Variants in PTPN20 observed in about 807,000 individuals in gnomAD.
PTPN20 encodes the protein tyrosine-protein phosphatase non-receptor type 20.
Under a neutral mutation model 35.0 loss-of-function variants are expected in PTPN20, and 9 were observed. The ratio of observed to expected loss-of-function variants is 0.26; its 90% CI spans 0.15 to 0.45. The LOEUF is 0.45. Ranked by LOEUF, PTPN20 falls within the 20% of genes least tolerant of loss-of-function variation. The pLI, the probability that PTPN20 is intolerant of heterozygous loss-of-function variation, is 1.00. For synonymous variants in PTPN20, 32 were observed against 100.2 expected, an observed-to-expected ratio of 0.32 and a Z score of 4.06; for missense variants, 111 against 312.5, an observed-to-expected ratio of 0.36 and a Z score of 4.86.
chr10:46,960,740 T>C, intron 5 of PTPN20, among the ~76,000 whole-genome samples: 1 of 152,124 alleles, frequency 6.6e-6, no homozygotes, highest in Non-Finnish European at 1.5e-5. Context: ...CTGAATATTG[T>C]ATAGTCTAGA....
chr10:46,932,574 G>A, intron 2 of PTPN20, 41 bp downstream of exon 2: 1 of 1,611,268 alleles, frequency 6.2e-7, no homozygotes, highest in Non-Finnish European at 8.5e-7. Flanking sequence ...GGATCAGGAG[G>A]AGCTACAGGA....
intron 3 of PTPN20, among the ~76,000 whole-genome samples, chr10:46,941,777 TC>T (rs782344835): frequency 3.4e-4 from 50 of 146,442 alleles, no homozygotes; most frequent in Admixed American, 7.5e-4. Context: ...CTTTAAAGTT[TC>T]CTTTCATAAA....
chr10:47,000,012 A>G (rs1164452835), intron 10 of PTPN20, 38 bp downstream of exon 10: 2 of 1,611,952 alleles, frequency 1.2e-6, no homozygotes, highest in African/African-American at 2.7e-5. Context: ...AAGAATAATG[A>G]ATATAAAGAT....
chr10:46,957,606 C>G (rs2048787225), intron 5 of PTPN20, among the ~76,000 whole-genome samples: 1 of 151,792 alleles, frequency 6.6e-6, no homozygotes, highest in African/African-American at 2.4e-5. Context: ...TAGCAGTTGC[C>G]TGTAATCCCA....
intron 9 of PTPN20, among the ~76,000 whole-genome samples, chr10:46,988,742 T>C (rs1415756415): frequency 2.6e-5 from 4 of 152,158 alleles, no homozygotes; most frequent in Non-Finnish European, 2.9e-5. Flanking sequence ...TTCATTAGCA[T>C]AGGATTATTT....
chr10:46,970,715 G>T (rs1357271355), intron 7 of PTPN20, among the ~76,000 whole-genome samples: 1 of 140,842 alleles, frequency 7.1e-6, no homozygotes, highest in African/African-American at 2.7e-5. Context: ...CAAAGTGCTT[G>T]TGAGGAAAAG....
At position 46,931,642 on chromosome 10, in the gene PTPN20, C is replaced by T. The variant is rs1311905994; in HGVS notation, c.-123-735C>T. On this transcript the variant is annotated intron_variant, in intron 1 of 10. Transcript: ENST00000374339. ...GCTCAAGCGATCCTCCTGCCTTGGC[C>T]TCCCAAAGTGCTAGGATTGTAGGCA... Among the ~76,000 whole-genome samples the T allele has an allele frequency of 4.9e-5, 7 of 143,542 alleles. No homozygotes were observed. In the East Asian group the frequency reaches 1.4e-3, roughly 28 times the overall value. 94.2% of individuals were successfully genotyped at this position (143,542 alleles called of 152,430 possible).
intron 5 of PTPN20, among the ~76,000 whole-genome samples, chr10:46,954,933 A>G (rs1411151825): frequency 6.6e-6 from 1 of 151,594 alleles, no homozygotes; most frequent in Non-Finnish European, 1.5e-5. Flanking sequence ...GAACAAAGAT[A>G]ACAATACAAC....
intron 4 of PTPN20, among the ~76,000 whole-genome samples, chr10:46,945,371 T>C (rs1304117591): frequency 6.6e-6 from 1 of 152,082 alleles, no homozygotes; most frequent in African/African-American, 2.4e-5. Flanking sequence ...ATTAATTAAA[T>C]GTTTACAGTA....
intron 5 of PTPN20, among the ~76,000 whole-genome samples, chr10:46,947,212 GTATATA>G (rs1163672605): frequency 1.2e-3 from 158 of 129,804 alleles, no homozygotes; most frequent in Non-Finnish European, 1.4e-3. Flanking sequence ...ATGTGTATGT[GTATATA>G]TATATATATA....
In PTPN20 at chr10:46,947,355, C is replaced by T. The variant is rs2045221932; in HGVS notation, c.340+680C>T. 2.0e-5 allele frequency among the ~76,000 whole-genome samples: 3 copies of T among 150,690 alleles called. No individual in the cohort carries two copies. The South Asian group carries it at 6.3e-4, about 32-fold the overall frequency. ...TCCCATCAAATGTTGGAAACATCTT[C>T]TCTAATGACTTTATTTGAAAAATGT... On this transcript the variant is annotated intron_variant, in intron 5 of 10. Coordinates refer to ENST00000374339, the MANE Select transcript of PTPN20 (RefSeq NM_001042357.5).
chr10:46,999,952 GT>G lies in PTPN20; in HGVS notation c.1177del (p.Ser393LeufsTer25). The G allele has an allele frequency of 5.0e-6, 8 of 1,613,704 alleles. No individual in the cohort carries two copies. The highest frequency in any genetic ancestry group is 6.8e-6 in the Non-Finnish European group (8 of 1,179,698). The part of the protein sequence containing the change: ...MDIVAQMREQ[R>X]SGMVQTKEQY... ...ATAGTGGCCCAAATGAGAGAACAAC[GT>G]TCTGGCATGGTTCAAACGAAGGTAA... On this transcript the variant is annotated frameshift_variant, in exon 10 of 11. Transcript: ENST00000374339. LOFTEE classifies it high-confidence loss of function.
At position 46,984,444 on chromosome 10, in the gene PTPN20, C is replaced by T; in HGVS notation, c.798C>T (p.Tyr266=). The part of the protein sequence containing the change: ...REIEGGIIKC[Y]HYWPISLKKP... Reference sequence around the variant, plus strand: ...TAGAAGGTGGAATTATCAAATGCTACCATTACTGGCCCATTTCTCTGAAGA... The same window carrying T: ...TAGAAGGTGGAATTATCAAATGCTATCATTACTGGCCCATTTCTCTGAAGA... The change falls in exon 8 of 11, where the codon TAC becomes TAT. Residue 266 remains tyrosine (Y), a synonymous_variant. Transcript: ENST00000374339. The T allele has an allele frequency of 5.0e-6, 8 of 1,611,388 alleles. No individual in the cohort carries two copies. The East Asian group carries it at 8.9e-5, about 18-fold the overall frequency.
chr10:46,996,780 T>C (rs1028636212), intron 9 of PTPN20, among the ~76,000 whole-genome samples: 3 of 152,214 alleles, frequency 2.0e-5, no homozygotes, highest in Non-Finnish European at 4.4e-5. Flanking sequence ...TCAAAAATTA[T>C]TGGGCATATT....
chr10:46,994,622 C>T (rs1472174071), intron 9 of PTPN20, among the ~76,000 whole-genome samples: 1 of 152,106 alleles, frequency 6.6e-6, no homozygotes, highest in Non-Finnish European at 1.5e-5. Flanking sequence ...GCGTGAGCCA[C>T]CGCGCCCGGC....
intron 1 of PTPN20, among the ~76,000 whole-genome samples, chr10:46,925,517 TTCC>T (rs1214041492): frequency 1.2e-4 from 16 of 128,934 alleles, no homozygotes; most frequent in Admixed American, 2.5e-4. Flanking sequence ...CTGCTGCTGC[TTCC>T]TCTTTTTTTT....
At chr10:46,932,062 TTGTGTGTG>T (rs71023200) in intron 1 of PTPN20, among the ~76,000 whole-genome samples, 37 of 133,686 alleles carry the variant, frequency 2.8e-4, no homozygotes, top group Admixed American at 5.8e-4. Context: ...TTGATTGAAT[TTGTGTGTG>T]TGTGTGTGTG....
At chr10:46,940,958 A>G (rs2043288034) in intron 3 of PTPN20, among the ~76,000 whole-genome samples, 2 of 151,830 alleles carry the variant, frequency 1.3e-5, no homozygotes, top group African/African-American at 2.4e-5. Flanking sequence ...GTTTTGTGTT[A>G]CTAATGAAGA....
intron 10 of PTPN20, 101 bp downstream of exon 10, chr10:47,000,075 A>T: frequency 6.7e-7 from 1 of 1,490,870 alleles, no homozygotes; most frequent in Non-Finnish European, 9.4e-7. Flanking sequence ...ACATAATCTC[A>T]TTGAATTCCT....
Sources: gnomAD v4.1 joint callset for allele counts (sites outside exome capture counted in the v4.1 genomes callset) on GRCh38, gnomAD v4.1.1 for gene constraint, MANE v1.5 for transcripts, NCBI Gene and HGNC (gene_info 2026-07-23, HGNC 2026-07-21) for gene names.